HECW2: variants seen among roughly 807,000 people sequenced by gnomAD.
HECW2 encodes the protein HECT, C2 and WW domain containing E3 ubiquitin protein ligase 2.
In HECW2, 61 loss-of-function variants were observed where a neutral mutation model predicts 175.2. The observed-to-expected ratio is 0.35, with a 90% CI of 0.28 to 0.43. The LOEUF is 0.43. Ranked by LOEUF, HECW2 falls within the 20% of genes least tolerant of loss-of-function variation. HECW2 has a pLI of 1.00. For missense variants in HECW2, 1,524 were observed against 2,000.5 expected (o/e 0.76, Z 4.54); for synonymous variants, 671 against 731.0 (o/e 0.92, Z 1.32).
chr2:196,381,066 G>A lies in HECW2; in HGVS notation c.293-37302C>T, dbSNP rs1312870789. On this transcript the variant is annotated intron_variant, in intron 2 of 28. Coordinates refer to ENST00000644978, the MANE Select transcript of HECW2 (RefSeq NM_001348768.2). ...AATCATCCCTTGAAGATTAGATTGGGGTAAGAAAACCCCTGACCTAAGCCC... is the reference window on the plus strand; with the variant it reads ...AATCATCCCTTGAAGATTAGATTGGAGTAAGAAAACCCCTGACCTAAGCCC... Among the ~76,000 whole-genome samples the A allele has an allele frequency of 2.0e-5, 3 of 152,064 alleles. No individual in the cohort carries two copies. In the South Asian group the frequency reaches 6.2e-4, roughly 32 times the overall value.
chr2:196,562,669 T>C (rs1690045294), intron 1 of HECW2, among the ~76,000 whole-genome samples: 1 of 152,188 alleles, frequency 6.6e-6, no homozygotes, highest in African/African-American at 2.4e-5. Context: ...TCCCAAAGTA[T>C]TTCTCCATCT....
At chr2:196,450,808 C>A (rs1458559015) in intron 1 of HECW2, among the ~76,000 whole-genome samples, 2 of 152,086 alleles carry the variant, frequency 1.3e-5, no homozygotes, top group Admixed American at 6.6e-5. Flanking sequence ...ACATGTTCCC[C>A]ATTTGATGCT....
chr2:196,378,531 A>G (rs1224795901), intron 2 of HECW2, among the ~76,000 whole-genome samples: 1 of 152,254 alleles, frequency 6.6e-6, no homozygotes, highest in Admixed American at 6.5e-5. Context: ...ATATTAAAAT[A>G]TATGTAGCCC....
chr2:196,425,506 A>G (rs1209562246), intron 2 of HECW2, among the ~76,000 whole-genome samples: 1 of 152,176 alleles, frequency 6.6e-6, no homozygotes, highest in African/African-American at 2.4e-5. Context: ...GGGGTAGACT[A>G]AAATATCACC....
Position 196,318,664 on chromosome 2 carries a change from G to A in HECW2, c.2226C>T (p.Ser742=). The A allele has an allele frequency of 1.2e-6, 2 of 1,600,398 alleles. No homozygotes were observed. The highest frequency in any genetic ancestry group is 2.2e-5 in the East Asian group (1 of 44,536). ...ELGEVWQRRG[S]LEGAAAAAES... is the part of the protein sequence containing the mutation. ...CGGCAGCAGCTGCAGCTCCCTCCAGGCTCCCCCTCCGCTGCCAGACCTCCC... is the reference window on the plus strand; with the variant it reads ...CGGCAGCAGCTGCAGCTCCCTCCAGACTCCCCCTCCGCTGCCAGACCTCCC... The change falls in exon 9 of 29, where the codon AGC becomes AGT. Residue 742 remains serine, a synonymous_variant. Transcript: ENST00000644978.
intron 3 of HECW2, among the ~76,000 whole-genome samples, chr2:196,342,073 C>A (rs1013270475): frequency 6.6e-6 from 1 of 152,002 alleles, no homozygotes; most frequent in South Asian, 2.1e-4. Context: ...AGCTCAACAA[C>A]TCAGAAAAAG....
chr2:196,435,012 G>C (rs1453269137), intron 1 of HECW2, among the ~76,000 whole-genome samples: 1 of 152,190 alleles, frequency 6.6e-6, no homozygotes, highest in African/African-American at 2.4e-5. Context: ...AAGAGGACAT[G>C]CTCCTGTGCT....
intron 19 of HECW2, among the ~76,000 whole-genome samples, chr2:196,246,631 C>T (rs1237850488): frequency 6.6e-6 from 1 of 151,958 alleles, no homozygotes; most frequent in Admixed American, 6.5e-5. Context: ...ACCTTGTGAT[C>T]CACCCCCCTC....
chr2:196,265,533 A>C (rs1689479909), intron 17 of HECW2, among the ~76,000 whole-genome samples: 1 of 152,114 alleles, frequency 6.6e-6, no homozygotes, highest in South Asian at 2.1e-4. Flanking sequence ...AGTTGCATTT[A>C]AATTATATCC....
intron 1 of HECW2, among the ~76,000 whole-genome samples, chr2:196,436,819 T>TG (rs1202691456): frequency 6.6e-6 from 1 of 152,100 alleles, no homozygotes; most frequent in African/African-American, 2.4e-5. Context: ...CTTGAAATTT[T>TG]GGGGAACAAA....
intron 11 of HECW2, 42 bp from the exon 12 acceptor site, chr2:196,307,275 G>C (rs753577674): frequency 7.4e-7 from 1 of 1,342,368 alleles, no homozygotes. Flanking sequence ...CAGCATTTAA[G>C]AGATGGGACT....
At chr2:196,359,789 C>G (rs1260470672) in intron 2 of HECW2, among the ~76,000 whole-genome samples, 2 of 152,154 alleles carry the variant, frequency 1.3e-5, no homozygotes, top group African/African-American at 4.8e-5. Flanking sequence ...CTAATCTCAG[C>G]CTGAAAATAT....
intron 1 of HECW2, among the ~76,000 whole-genome samples, chr2:196,475,808 C>T (rs1686580923): frequency 6.6e-6 from 1 of 152,226 alleles, no homozygotes; most frequent in African/African-American, 2.4e-5. Flanking sequence ...ATTGGCCTGG[C>T]CTGGGCCATT....
At chr2:196,304,989 C>G (rs11896439) in intron 13 of HECW2, among the ~76,000 whole-genome samples, 1 of 152,302 alleles carries the variant, frequency 6.6e-6, no homozygotes, top group African/African-American at 2.4e-5. Flanking sequence ...GTTTCTGGGA[C>G]AAGCTCTTAA....
At position 196,385,689 on chromosome 2, in the gene HECW2, T is replaced by C. The variant is rs536583178; in HGVS notation, c.293-41925A>G. ...TGAAAATACTTGTTCAGACCAGTCA[T>C]GGTGGTTGAAAATCCAAGGAAATTT... On this transcript the variant is annotated intron_variant, in intron 2 of 28. Coordinates refer to ENST00000644978, the MANE Select transcript of HECW2 (RefSeq NM_001348768.2). 3.3e-5 allele frequency among the ~76,000 whole-genome samples: 5 copies of C among 152,344 alleles called. No homozygotes were observed. The South Asian group carries it at 6.2e-4, about 19-fold the overall frequency.
rs1484139745 is a variant in HECW2 at position 196,313,564 on chromosome 2, T to C, written c.2434+3710A>G. ...CACTCTGTGTGGTCTAAGGCAAGAG[T>C]AAGATTTTGAGAACCAATTGGTAGA... is the stretch of plus-strand genomic sequence containing the variant. On this transcript the variant is annotated intron_variant, in intron 10 of 28. Coordinates refer to ENST00000644978, the MANE Select transcript of HECW2 (RefSeq NM_001348768.2). Among the ~76,000 whole-genome samples the C allele has an allele frequency of 3.3e-5, 5 of 152,046 alleles. No individual in the cohort carries two copies. In the East Asian group the frequency reaches 9.6e-4, roughly 29 times the overall value.
intron 1 of HECW2, among the ~76,000 whole-genome samples, chr2:196,550,556 T>G (rs1689575758): frequency 6.6e-6 from 1 of 152,226 alleles, no homozygotes; most frequent in Admixed American, 6.5e-5. Flanking sequence ...GCCACCCTTA[T>G]TTCTAATACT....
rs548765850 is a variant in HECW2 at position 196,487,131 on chromosome 2, A to T, written c.-35-53673T>A. 2.0e-5 allele frequency among the ~76,000 whole-genome samples: 3 copies of T among 148,466 alleles called. No individual in the cohort carries two copies. In the East Asian group the frequency reaches 5.9e-4, roughly 29 times the overall value. On this transcript the variant is annotated intron_variant, in intron 1 of 28. Coordinates refer to ENST00000644978, the MANE Select transcript of HECW2 (RefSeq NM_001348768.2). ...ACCACTGCACTCCAGCCTGAGCAAC[A>T]GATTGAGACTCTGCCTAAAAAAAAA...
intron 2 of HECW2, among the ~76,000 whole-genome samples, chr2:196,353,050 TC>T (rs1693226269): frequency 6.6e-6 from 1 of 152,320 alleles, no homozygotes; most frequent in African/African-American, 2.4e-5. Flanking sequence ...GGACATGGCT[TC>T]CCACTCCCTC....
Sources: gnomAD v4.1 joint callset for allele counts (sites outside exome capture counted in the v4.1 genomes callset) on GRCh38, gnomAD v4.1.1 for gene constraint, MANE v1.5 for transcripts, NCBI Gene and HGNC (gene_info 2026-07-23, HGNC 2026-07-21) for gene names.